The following CD82 variants were observed in gnomAD, a reference collection of about 807,000 sequenced individuals.
The protein encoded by CD82 is CD82 antigen.
CD82 carries 36 observed loss-of-function variants against 37.4 expected under a neutral mutation model. The observed-to-expected ratio is 0.96, with a 90% CI of 0.74 to 1.27. CD82 has a LOEUF of 1.27. Among genes scored for constraint, CD82 ranks in the 50% most tolerant of loss-of-function variants. CD82 has a pLI of 0.00. For synonymous variants in CD82, 158 were observed against 137.4 expected, an observed-to-expected ratio of 1.15 and a Z score of -1.05; for missense variants, 340 against 347.0, an observed-to-expected ratio of 0.98 and a Z score of 0.16.
At chr11:44,616,961 G>A (rs1454337609) in intron 7 of CD82, among the ~76,000 whole-genome samples, 1 of 152,208 alleles carries the variant, frequency 6.6e-6, no homozygotes, top group African/African-American at 2.4e-5. Flanking sequence ...TTGGAGAGAG[G>A]AGGCAGCCCG....
intron 6 of CD82, among the ~76,000 whole-genome samples, chr11:44,605,821 A>G (rs1287317460): frequency 1.3e-5 from 2 of 152,252 alleles, no homozygotes; most frequent in Non-Finnish European, 2.9e-5. Flanking sequence ...TAAGTACTCA[A>G]TAAATGTTAT....
At chr11:44,596,285 G>A (rs936563569) in intron 3 of CD82, among the ~76,000 whole-genome samples, 4 of 152,274 alleles carry the variant, frequency 2.6e-5, no homozygotes, top group African/African-American at 7.2e-5. Context: ...AGCACTTGGT[G>A]TCTGGGCGGA....
rs554121820 is a variant in CD82 at position 44,600,185 on chromosome 11, G to C, written c.91G>C (p.Gly31Arg). Residue 31 changes from glycine to arginine, a missense_variant, in exon 4 of 10, where the codon GGG becomes CGG. Transcript: ENST00000227155. ...CCTGGGCGCAGTGATCCTGGGCTTC[G>C]GGGTGTGGATCCTGGCCGACAAGAG... ...FILGAVILGF[G>R]VWILADKSSF... 3 of 1,614,110 alleles carry C rather than the reference G, an allele frequency of 1.9e-6. No individual in the cohort carries two copies. The highest frequency in any genetic ancestry group is 8.5e-7 in the Non-Finnish European group (1 of 1,180,000).
chr11:44,594,540 C>A (rs1331456111), intron 2 of CD82, 103 bp from the exon 3 acceptor site: 3 of 745,584 alleles, frequency 4.0e-6, no homozygotes, highest in African/African-American at 3.4e-5. Context: ...TGGGCCTCTG[C>A]ATCCTCTAAG....
At chr11:44,596,122 T>G (rs1224680966) in intron 3 of CD82, among the ~76,000 whole-genome samples, 1 of 152,186 alleles carries the variant, frequency 6.6e-6, no homozygotes, top group African/African-American at 2.4e-5. Context: ...GAGGCCCCAC[T>G]GTGGCTCTGG....
intron 1 of CD82, among the ~76,000 whole-genome samples, chr11:44,569,881 G>A (rs992372563): frequency 5.9e-5 from 9 of 152,200 alleles, no homozygotes; most frequent in African/African-American, 2.2e-4. Flanking sequence ...TGCAAATGGG[G>A]ATAATAATGG....
intron 2 of CD82, among the ~76,000 whole-genome samples, chr11:44,594,407 C>G (rs1289850118): frequency 6.6e-6 from 1 of 152,152 alleles, no homozygotes; most frequent in Admixed American, 6.5e-5. Flanking sequence ...AGCCCCAGCC[C>G]CAGCCCCAGT....
chr11:44,587,263 C>T, intron 1 of CD82: 1 of 351,972 alleles, frequency 2.8e-6, no homozygotes, highest in Non-Finnish European at 5.7e-6. Context: ...CAAAGGCCCT[C>T]AGGTAGGTAT....
Position 44,619,512 on chromosome 11 carries a change from C to T in CD82, c.*386C>T. 1 of 167,370 alleles carries T rather than the reference C, an allele frequency of 6.0e-6. No homozygotes were observed. Among genetic ancestry groups the T allele is most frequent in the Non-Finnish European group, 1.3e-5 (1 of 77,172 alleles). The allele number at this position is 167,370 out of a possible 1,614,324, so 10.4% of individuals were successfully genotyped here. A position where few individuals can be genotyped will look rare whatever the true frequency, so the allele number is the denominator to read the frequency against. On this transcript the variant is annotated 3_prime_UTR_variant, in exon 10 of 10. Coordinates refer to ENST00000227155, the MANE Select transcript of CD82 (RefSeq NM_002231.4). Reference sequence around the variant, plus strand: ...GCGCGGTGGCTCACGCCTGTAATCCCAGCACTTTGGGAGGCCGAGGCGGGT... The same window carrying T: ...GCGCGGTGGCTCACGCCTGTAATCCTAGCACTTTGGGAGGCCGAGGCGGGT...
At chr11:44,583,268 G>A (rs1198713437) in intron 1 of CD82, among the ~76,000 whole-genome samples, 1 of 152,236 alleles carries the variant, frequency 6.6e-6, no homozygotes, top group Non-Finnish European at 1.5e-5. Flanking sequence ...GGCTGCATGG[G>A]GTCCAGGCAG....
At position 44,615,322 on chromosome 11, in the gene CD82, C is replaced by T. The variant is rs746715629; in HGVS notation, c.387C>T (p.Asn129=). The change falls in exon 7 of 10, where the codon AAC becomes AAT. Residue 129 remains asparagine (N), a synonymous_variant. Transcript: ENST00000227155. ...GIVTELIRDY[N]SSREDSLQDA... Reference sequence around the variant, plus strand: ...TGACTGAGCTCATTCGAGACTACAACAGCAGTCGCGAGGACAGCCTGCAGG... The same window carrying T: ...TGACTGAGCTCATTCGAGACTACAATAGCAGTCGCGAGGACAGCCTGCAGG... The T allele has an allele frequency of 3.1e-6, 5 of 1,613,696 alleles. 1 individual carries two copies. The South Asian group carries it at 3.3e-5, about 11-fold the overall frequency.
chr11:44,574,440 A>G (rs1429730967), intron 1 of CD82, among the ~76,000 whole-genome samples: 1 of 152,138 alleles, frequency 6.6e-6, no homozygotes, highest in African/African-American at 2.4e-5. Context: ...TGCTTGTTGG[A>G]ATTACACACA....
At chr11:44,577,845 G>T (rs1290193012) in intron 1 of CD82, among the ~76,000 whole-genome samples, 1 of 152,172 alleles carries the variant, frequency 6.6e-6, no homozygotes, top group Non-Finnish European at 1.5e-5. Flanking sequence ...TAGGGCGCCG[G>T]GTTGGGCCTT....
chr11:44,578,457 G>T (rs1852931893), intron 1 of CD82, among the ~76,000 whole-genome samples: 1 of 152,056 alleles, frequency 6.6e-6, no homozygotes, highest in East Asian at 1.9e-4. Context: ...TCTCACCTCT[G>T]TCTGTACATC....
chr11:44,601,299 A>G (rs1340912485), intron 4 of CD82, among the ~76,000 whole-genome samples: 3 of 151,934 alleles, frequency 2.0e-5, no homozygotes, highest in Admixed American at 6.5e-5. Flanking sequence ...CCCTGGCCCC[A>G]GGGGCTAGGC....
chr11:44,615,522 A>G lies in CD82; in HGVS notation c.438+149A>G, dbSNP rs1853551774. 3 of 624,790 alleles carry G rather than the reference A, an allele frequency of 4.8e-6. No individual in the cohort carries two copies. In the Admixed American group the frequency reaches 7.3e-5, roughly 15 times the overall value. 38.7% of individuals were successfully genotyped at this position (624,790 alleles called of 1,614,324 possible). On this transcript the variant is annotated intron_variant, in intron 7 of 9. Coordinates refer to ENST00000227155, the MANE Select transcript of CD82 (RefSeq NM_002231.4). Reference sequence around the variant, plus strand: ...GAGTGTGCTTCTATGGGGGCAGGGCACCCCAGTTAGCACCACAACTCCCTG... The same window carrying G: ...GAGTGTGCTTCTATGGGGGCAGGGCGCCCCAGTTAGCACCACAACTCCCTG...
At chr11:44,598,839 A>G (rs1853267149) in intron 3 of CD82, among the ~76,000 whole-genome samples, 1 of 152,172 alleles carries the variant, frequency 6.6e-6, no homozygotes, top group South Asian at 2.1e-4. Context: ...TTATGGGATG[A>G]TGGCTGAGGT....
At chr11:44,605,252 C>G in intron 5 of CD82, 70 bp downstream of exon 5, 1 of 1,606,814 alleles carries the variant, frequency 6.2e-7, no homozygotes, top group Non-Finnish European at 8.5e-7. Context: ...CTGACCGCGG[C>G]GCTGGCCGTA....
At position 44,618,429 on chromosome 11, in the gene CD82, G is replaced by A. The variant is rs899394759; in HGVS notation, c.642+64G>A. On this transcript the variant is annotated intron_variant, in intron 8 of 9. Coordinates refer to ENST00000227155, the MANE Select transcript of CD82 (RefSeq NM_002231.4). ...GGCGTTGGGGGCCATCTGGGCTACTGCTCAGCAATTCCTTCCTGCATTTAG... is the reference window on the plus strand; with the variant it reads ...GGCGTTGGGGGCCATCTGGGCTACTACTCAGCAATTCCTTCCTGCATTTAG... 5.7e-6 allele frequency: 8 copies of A among 1,408,470 alleles called. No homozygotes were observed. In the African/African-American group the frequency reaches 9.8e-5, roughly 17 times the overall value. 87.2% of individuals were successfully genotyped at this position (1,408,470 alleles called of 1,614,324 possible). A position where few individuals can be genotyped will look rare whatever the true frequency, so the allele number is the denominator to read the frequency against.
Sources: allele counts gnomAD v4.1 joint callset (sites outside exome capture counted in the v4.1 genomes callset), GRCh38; gene constraint gnomAD v4.1.1; transcripts MANE v1.5; gene names NCBI Gene and HGNC (gene_info 2026-07-23, HGNC 2026-07-21).